The following MCM3 variants were observed in gnomAD, a reference collection of about 807,000 sequenced individuals.
MCM3 encodes minichromosome maintenance complex component 3, also known as DNA replication licensing factor MCM3.
A neutral mutation model predicts 91.3 loss-of-function variants in MCM3; 59 were observed. The ratio of observed to expected loss-of-function variants is 0.65; its 90% CI spans 0.52 to 0.80. The LOEUF (loss-of-function observed/expected upper bound fraction) is 0.80, where lower values mean the gene tolerates loss of function less well. Ranked by LOEUF, MCM3 falls within the 30% of genes least tolerant of loss-of-function variation. The pLI, the probability that MCM3 is intolerant of heterozygous loss-of-function variation, is 0.00. For synonymous variants in MCM3, 383 were observed against 379.6 expected (o/e 1.01, Z -0.10); for missense variants, 919 against 1,035.4 (o/e 0.89, Z 1.54).
Position 52,264,541 on chromosome 6 carries a change from CAG to C in MCM3, c.*45_*46del, listed in dbSNP as rs759416453. The C allele has an allele frequency of 1.2e-6, 2 of 1,604,224 alleles. No homozygotes were observed. Among genetic ancestry groups the C allele is most frequent in the African/African-American group, 1.3e-5 (1 of 74,712 alleles). On this transcript the variant is annotated 3_prime_UTR_variant, in exon 17 of 17. Coordinates refer to ENST00000596288, the MANE Select transcript of MCM3 (RefSeq NM_002388.6). The stretch of plus-strand genomic sequence containing the variant: ...TGGGTCAGGGAGAGGGTGGGAAACA[CAG>C]AACAAACTCTCTCGGCACAACCCAA...
At chr6:52,268,690 C>T (rs1764840091) in intron 13 of MCM3, among the ~76,000 whole-genome samples, 1 of 152,016 alleles carries the variant, frequency 6.6e-6, no homozygotes, top group Non-Finnish European at 1.5e-5. Context: ...GCCAATGGGA[C>T]ATTTGAAGAG....
rs560675704 is a variant in MCM3 at position 52,277,427 on chromosome 6, G to C, written c.1033+108C>G. 8 of 1,201,986 alleles carry C rather than the reference G, an allele frequency of 6.7e-6. No individual in the cohort carries two copies. The Admixed American group carries it at 7.1e-5, about 11-fold the overall frequency. The allele number at this position is 1,201,986 out of a possible 1,614,324, so 74.5% of individuals were successfully genotyped here. A position where few individuals can be genotyped will look rare whatever the true frequency, so the allele number is the denominator to read the frequency against. On this transcript the variant is annotated intron_variant, in intron 7 of 16. Coordinates refer to ENST00000596288, the MANE Select transcript of MCM3 (RefSeq NM_002388.6). The stretch of plus-strand genomic sequence containing the variant: ...GATTCATTTTAGCCTTTTGTCCTTT[G>C]ATAGGACTGAAATACTGCTAAGTAC...
At position 52,278,866 on chromosome 6, in the gene MCM3, T is replaced by A. The variant is rs764574367; in HGVS notation, c.771-16A>T. On this transcript the variant is annotated splice_polypyrimidine_tract_variant and intron_variant, in intron 5 of 16. Transcript: ENST00000596288. The stretch of plus-strand genomic sequence containing the variant: ...CAGGACAGTCCTGGGACAAACAGAA[T>A]AAAGAGGAAACCCGTTATATTCAAT... The A allele has an allele frequency of 2.6e-6, 4 of 1,568,172 alleles. No homozygotes were observed. The highest frequency in any genetic ancestry group is 3.5e-6 in the Non-Finnish European group (4 of 1,141,516).
intron 16 of MCM3, 100 bp from the exon 17 acceptor site, chr6:52,264,886 GC>G: frequency 1.0e-6 from 1 of 961,928 alleles, no homozygotes; most frequent in South Asian, 1.4e-5. Context: ...TACAGTAGAG[GC>G]GTCCCCTCAA....
Position 52,264,876 on chromosome 6 carries a change from T to C in MCM3, c.2229-90A>G, listed in dbSNP as rs1764520328. 6 of 1,060,654 alleles carry C rather than the reference T, an allele frequency of 5.7e-6. 1 individual carries two copies. The highest frequency in any genetic ancestry group is 5.3e-5 in the Admixed American group (3 of 57,056). The allele number at this position is 1,060,654 out of a possible 1,614,324, so 65.7% of individuals were successfully genotyped here. ...ATACTAGGAAAATCCATAGTATTAATACAGTAGAGGCGTCCCCTCAATATT... is the reference window on the plus strand; with the variant it reads ...ATACTAGGAAAATCCATAGTATTAACACAGTAGAGGCGTCCCCTCAATATT... On this transcript the variant is annotated intron_variant, in intron 16 of 16. Transcript: ENST00000596288.
chr6:52,278,068 A>AC (rs1488314598), intron 6 of MCM3, among the ~76,000 whole-genome samples: 1 of 87,670 alleles, frequency 1.1e-5, no homozygotes, highest in Admixed American at 1.5e-4. Context: ...ATTCCGTCTC[A>AC]CCAAAAAAAA....
chr6:52,277,138 G>C lies in MCM3; in HGVS notation c.1094C>G (p.Ala365Gly). 6.2e-7 allele frequency: 1 copy of C among 1,614,072 alleles called. No individual in the cohort carries two copies. Among genetic ancestry groups the C allele is most frequent in the Non-Finnish European group, 8.5e-7 (1 of 1,179,996 alleles). The change falls in exon 8 of 17, where the codon GCT (alanine) becomes GGT (glycine). Residue 365 changes from alanine to glycine, a missense_variant. Physicochemically the swap from Ala to Gly is moderately conservative, Grantham distance 60. Coordinates refer to ENST00000596288, the MANE Select transcript of MCM3 (RefSeq NM_002388.6). ...GGAGCCCCGGCCAGTGGTGGGGATA[G>C]CTCGGGGTGCAGTGCAAAGCACATA... ...LRYVLCTAPRAIPTTGRGSSG... is the reference protein window; with the variant it reads ...LRYVLCTAPRGIPTTGRGSSG...
In MCM3 at chr6:52,281,998, C is replaced by A. The variant is rs368367490; in HGVS notation, c.531+47G>T. 9 of 1,599,802 alleles carry A rather than the reference C, an allele frequency of 5.6e-6. No homozygotes were observed. In the African/African-American group the frequency reaches 1.1e-4, roughly 19 times the overall value. ...CAATTCCTTGCCTTAAAACAGGTAT[C>A]TTTGATTCCAACCTCCAAGACAGCT... is the stretch of plus-strand genomic sequence containing the variant. On this transcript the variant is annotated intron_variant, in intron 4 of 16. Coordinates refer to ENST00000596288, the MANE Select transcript of MCM3 (RefSeq NM_002388.6).
chr6:52,280,324 A>ACTTCCTTCACATTTGTGAAGT (rs1765976515), intron 4 of MCM3, among the ~76,000 whole-genome samples: 1 of 152,252 alleles, frequency 6.6e-6, no homozygotes, highest in Non-Finnish European at 1.5e-5. Context: ...TACGTATATT[A>ACTTCCTTCACATTTGTGAAGT]AAGTTTTACT....
chr6:52,265,500 T>A (rs1054130049), intron 16 of MCM3: 1 of 171,568 alleles, frequency 5.8e-6, no homozygotes, highest in Admixed American at 6.1e-5. Flanking sequence ...AAGATACAGT[T>A]GATGGTTGTC....
Position 52,278,793 on chromosome 6 carries a change from G to GA in MCM3, c.827dup (p.Ser277LeufsTer3), listed in dbSNP as rs1229129132. Reference sequence around the variant, plus strand: ...TGATCTTGGCTATATCCTCAGCAGAGAAAGAGGGCTGAGCATCCTTGCTCA... The same window carrying GA: ...TGATCTTGGCTATATCCTCAGCAGAGAAAAGAGGGCTGAGCATCCTTGCTCA... On this transcript the variant is annotated frameshift_variant, in exon 6 of 17. Transcript: ENST00000596288. LOFTEE classifies it high-confidence loss of function. 1 of 1,613,928 alleles carries GA rather than the reference G, an allele frequency of 6.2e-7. No homozygotes were observed. Among genetic ancestry groups the GA allele is most frequent in the Non-Finnish European group, 8.5e-7 (1 of 1,179,952 alleles).
In MCM3 at chr6:52,266,636, A is replaced by G; in HGVS notation, c.2133T>C (p.Ser711=). ...DGDSYDPYDF[S]DTEEEMPQVH... ...CTTGAGGCATTTCCTCCTCTGTGTCACTGAAGTCATAGGGGTCGTATGAAT... is the reference window on the plus strand; with the variant it reads ...CTTGAGGCATTTCCTCCTCTGTGTCGCTGAAGTCATAGGGGTCGTATGAAT... Residue 711 remains serine, a synonymous_variant, in exon 15 of 17, where the codon AGT becomes AGC. Coordinates refer to ENST00000596288, the MANE Select transcript of MCM3 (RefSeq NM_002388.6). 6.2e-7 allele frequency: 1 copy of G among 1,614,146 alleles called. No individual in the cohort carries two copies. Among genetic ancestry groups the G allele is most frequent in the Non-Finnish European group, 8.5e-7 (1 of 1,180,002 alleles).
chr6:52,267,528 C>CT (rs773522164), intron 14 of MCM3, among the ~76,000 whole-genome samples: 4,377 of 136,286 alleles, frequency 0.032, 191 homozygotes, highest in African/African-American at 0.094. Flanking sequence ...GAACTTACTA[C>CT]TTTTTTTTTT....
intron 1 of MCM3, among the ~76,000 whole-genome samples, 184 bp downstream of exon 1, chr6:52,284,413 A>C (rs1766456606): frequency 6.6e-6 from 1 of 152,180 alleles, no homozygotes; most frequent in Non-Finnish European, 1.5e-5. Context: ...CTAAGAGTTC[A>C]CTTATCGAAC....
Position 52,283,381 on chromosome 6 carries a change from T to C in MCM3, c.104A>G (p.Lys35Arg), listed in dbSNP as rs745541606. The change falls in exon 2 of 17, where the codon AAA (lysine) becomes AGA (arginine). Residue 35 changes from lysine (K) to arginine (R), a missense_variant. Coordinates refer to ENST00000596288, the MANE Select transcript of MCM3 (RefSeq NM_002388.6). ...DEEDQGIYQS[K>R]VRELISDNQY... ...GTTGTCACTGATCAGCTCCCGAACTTTGCTCTGATAAATTCCCTGGTCTTC... is the reference window on the plus strand; with the variant it reads ...GTTGTCACTGATCAGCTCCCGAACTCTGCTCTGATAAATTCCCTGGTCTTC... The C allele has an allele frequency of 2.5e-6, 4 of 1,614,162 alleles. No individual in the cohort carries two copies. Among genetic ancestry groups the C allele is most frequent in the Non-Finnish European group, 3.4e-6 (4 of 1,180,002 alleles).
chr6:52,270,346 G>A (rs78529404), intron 12 of MCM3, among the ~76,000 whole-genome samples: 8,963 of 130,950 alleles, frequency 0.068, 334 homozygotes, highest in East Asian at 0.12. Context: ...AAAAAAAAAA[G>A]AAAAAAAAAG....
Position 52,278,856 on chromosome 6 carries a change from A to T in MCM3, c.771-6T>A. 1 of 1,596,952 alleles carries T rather than the reference A, an allele frequency of 6.3e-7. No homozygotes were observed. Among genetic ancestry groups the T allele is most frequent in the Non-Finnish European group, 8.6e-7 (1 of 1,166,044 alleles). On this transcript the variant is annotated splice_polypyrimidine_tract_variant and splice_region_variant and intron_variant, in intron 5 of 16. Transcript: ENST00000596288. ...TACAGGCAATCAGGACAGTCCTGGGACAAACAGAATAAAGAGGAAACCCGT... is the reference window on the plus strand; with the variant it reads ...TACAGGCAATCAGGACAGTCCTGGGTCAAACAGAATAAAGAGGAAACCCGT...
intron 16 of MCM3, among the ~76,000 whole-genome samples, 168 bp downstream of exon 16, chr6:52,265,907 G>T (rs1194210576): frequency 3.9e-5 from 6 of 152,176 alleles, no homozygotes; most frequent in African/African-American, 1.4e-4. Flanking sequence ...TAACTTTTCA[G>T]TAAGTTTGAA....
chr6:52,274,046 A>G (rs2128279564), intron 9 of MCM3, 130 bp from the exon 10 acceptor site: 2 of 659,824 alleles, frequency 3.0e-6, no homozygotes, highest in East Asian at 5.5e-5. Flanking sequence ...AAAGCAGTGA[A>G]AAAGGGAAGT....
Sources: gnomAD v4.1 joint callset for allele counts (sites outside exome capture counted in the v4.1 genomes callset) on GRCh38, gnomAD v4.1.1 for gene constraint, MANE v1.5 for transcripts, NCBI Gene and HGNC (gene_info 2026-07-23, HGNC 2026-07-21) for gene names.